The following CACNA1I variants were observed in gnomAD, a reference collection of about 807,000 sequenced individuals.
The protein encoded by CACNA1I is calcium voltage-gated channel subunit alpha1 I.
CACNA1I carries 74 observed loss-of-function variants against 201.6 expected under a neutral mutation model. The ratio of observed to expected loss-of-function variants is 0.37; its 90% CI spans 0.30 to 0.45. The LOEUF is 0.45. Among genes scored for constraint, CACNA1I ranks in the 20% least tolerant of loss-of-function variants. The pLI, the probability that CACNA1I is intolerant of heterozygous loss-of-function variation, is 1.00. For missense variants in CACNA1I, 2,346 were observed against 3,138.1 expected, an observed-to-expected ratio of 0.75 and a Z score of 6.03; for synonymous variants, 1,431 against 1,345.2, an observed-to-expected ratio of 1.06 and a Z score of -1.40.
rs1601795620 is a variant in CACNA1I at position 39,585,870 on chromosome 22, T to A, written c.237-12281T>A. Among the ~76,000 whole-genome samples, 4 of 151,222 alleles carry A rather than the reference T, an allele frequency of 2.6e-5. No homozygotes were observed. In the Middle Eastern group the frequency reaches 0.014, roughly 514 times the overall value. On this transcript the variant is annotated intron_variant, in intron 1 of 36. Coordinates refer to ENST00000402142, the MANE Select transcript of CACNA1I (RefSeq NM_021096.4). ...ACCACTGCACCTGGTTTACTAATCC[T>A]ACACTTCAATATTTAAAAAAATGCA...
Position 39,668,321 on chromosome 22 carries a change from C to G in CACNA1I, c.4134C>G (p.Ser1378=). The part of the protein sequence containing the change: ...QALMSLFVLA[S]KDGWVNIMYN... ...TGATGTCCCTCTTTGTCCTGGCATCCAAGGATGGTTGGGTGAACATCATGT... is the reference window on the plus strand; with the variant it reads ...TGATGTCCCTCTTTGTCCTGGCATCGAAGGATGGTTGGGTGAACATCATGT... Residue 1378 remains serine, a synonymous_variant, in exon 24 of 37, where the codon TCC becomes TCG. Transcript: ENST00000402142. The G allele has an allele frequency of 1.2e-6, 2 of 1,613,520 alleles. No individual in the cohort carries two copies.
chr22:39,596,002 G>A (rs1932879416), intron 1 of CACNA1I, among the ~76,000 whole-genome samples: 1 of 149,724 alleles, frequency 6.7e-6, no homozygotes, highest in East Asian at 2.0e-4. Context: ...TGAACATGAT[G>A]CTAGAAGCTC....
rs1374693648 is a variant in CACNA1I at position 39,685,577 on chromosome 22, G to C, written c.6028-184G>C. Among the ~76,000 whole-genome samples the C allele has an allele frequency of 6.6e-6, 1 of 152,102 alleles. No homozygotes were observed. Among genetic ancestry groups the C allele is most frequent in the African/African-American group, 2.4e-5 (1 of 41,422 alleles). On this transcript the variant is annotated intron_variant, in intron 36 of 36. Transcript: ENST00000402142. This position sits in a 1 kb window ranked among gnomAD's most constrained non-coding sequence, Gnocchi z 5.0. ...GCTAGCTCCTCTCGGGGGACCTCTC[G>C]GGGCAGGTGAAGGCCCTGCGGTGAC...
intron 1 of CACNA1I, among the ~76,000 whole-genome samples, chr22:39,572,385 A>T (rs1218578536): frequency 6.6e-6 from 1 of 152,100 alleles, no homozygotes; most frequent in East Asian, 1.9e-4. Context: ...TGCAGGCCTG[A>T]GTCCTGCCCT....
rs1392403225 is a variant in CACNA1I at position 39,662,831 on chromosome 22, A to G, written c.3428A>G (p.Glu1143Gly). ...MIDVYKPDWCEVREDWSVYLF... is the reference protein window; with the variant it reads ...MIDVYKPDWCGVREDWSVYLF... ...GACGTCTATAAGCCCGACTGGTGCG[A>G]GGTCCGCGAAGACTGGTCTGTCTAC... Residue 1143 changes from glutamate to glycine, a missense_variant, in exon 18 of 37, where the codon GAG becomes GGG. Around this residue, in one of 13 missense-constraint regions of CACNA1I, gnomAD observed 158 missense variants for 231.6 expected, o/e 0.68. Transcript: ENST00000402142. 2 of 1,602,212 alleles carry G rather than the reference A, an allele frequency of 1.2e-6. No homozygotes were observed. Among genetic ancestry groups the G allele is most frequent in the African/African-American group, 2.7e-5 (2 of 74,668 alleles).
intron 4 of CACNA1I, among the ~76,000 whole-genome samples, chr22:39,625,456 C>T (rs980043915): frequency 6.6e-6 from 1 of 152,190 alleles, no homozygotes; most frequent in Non-Finnish European, 1.5e-5. Context: ...TGCTGTGTGA[C>T]CTGAGAAGTC....
At chr22:39,668,873 G>A (rs1038751180) in intron 24 of CACNA1I, among the ~76,000 whole-genome samples, 6 of 152,152 alleles carry the variant, frequency 3.9e-5, no homozygotes, top group Non-Finnish European at 7.4e-5. Context: ...TTATTCTGAG[G>A]GCAGAGAGAG....
At chr22:39,600,474 C>T in intron 2 of CACNA1I, 46 bp from the exon 3 acceptor site, 1 of 1,567,550 alleles carries the variant, frequency 6.4e-7, no homozygotes, top group Non-Finnish European at 8.8e-7. Flanking sequence ...GGGCCCTGCT[C>T]TGCAACCTCA....
At chr22:39,613,724 C>A (rs5750858) in intron 3 of CACNA1I, among the ~76,000 whole-genome samples, 1 of 152,212 alleles carries the variant, frequency 6.6e-6, no homozygotes, top group Non-Finnish European at 1.5e-5. Flanking sequence ...GTAACGCTCC[C>A]GAGCCGGAGG....
At chr22:39,638,418 T>C (rs1243069661) in intron 5 of CACNA1I, among the ~76,000 whole-genome samples, 1 of 152,242 alleles carries the variant, frequency 6.6e-6, no homozygotes, top group African/African-American at 2.4e-5. Flanking sequence ...TGTGCCAAAT[T>C]GCCCTCTAAG....
chr22:39,571,683 C>G lies in CACNA1I; in HGVS notation c.236+695C>G, dbSNP rs527259303. On this transcript the variant is annotated intron_variant, in intron 1 of 36. Transcript: ENST00000402142. ...CTGTCTGAAAAGCTTTTCCCTTCCC[C>G]CTGGACCTGGCCAAATCCTTTGCTA... is the stretch of plus-strand genomic sequence containing the variant. 5.9e-5 allele frequency among the ~76,000 whole-genome samples: 9 copies of G among 152,368 alleles called. No individual in the cohort carries two copies. The South Asian group carries it at 1.9e-3, about 32-fold the overall frequency.
intron 25 of CACNA1I, 133 bp downstream of exon 25, chr22:39,670,363 C>T: frequency 1.1e-6 from 1 of 886,908 alleles, no homozygotes; most frequent in East Asian, 2.7e-5. Context: ...GGCTCAGCCA[C>T]TTCTCCCAGC....
rs199563728 is a variant in CACNA1I at position 39,599,170 on chromosome 22, A to G, written c.348+908A>G. Among the ~76,000 whole-genome samples the G allele has an allele frequency of 9.1e-4, 133 of 145,734 alleles. 4 individuals are homozygous for G. The East Asian group carries it at 0.014, about 16-fold the overall frequency. The stretch of plus-strand genomic sequence containing the variant: ...TCACCATGTTAGCCAGGATGGTCTC[A>G]ATCTCCTGACCTCGTGATCTGCCTG... On this transcript the variant is annotated intron_variant, in intron 2 of 36. Coordinates refer to ENST00000402142, the MANE Select transcript of CACNA1I (RefSeq NM_021096.4).
chr22:39,600,577 G>T lies in CACNA1I; in HGVS notation c.406G>T (p.Ala136Ser). Reference sequence around the variant, plus strand: ...CATGGAGATGGTGCTCAAGATGGTGGCCCTGGGGATTTTTGGCAAGAAGTG... The same window carrying T: ...CATGGAGATGGTGCTCAAGATGGTGTCCCTGGGGATTTTTGGCAAGAAGTG... ...FAMEMVLKMV[A>S]LGIFGKKCYL... The change falls in exon 3 of 37, where the codon GCC becomes TCC. Residue 136 changes from alanine (A) to serine (S), a missense_variant. Coordinates refer to ENST00000402142, the MANE Select transcript of CACNA1I (RefSeq NM_021096.4). 6.2e-7 allele frequency: 1 copy of T among 1,612,050 alleles called. No homozygotes were observed. The highest frequency in any genetic ancestry group is 1.3e-5 in the African/African-American group (1 of 74,976).
rs754425552 is a variant in CACNA1I, at chr22:39,661,304, C to T, written c.2895C>T (p.Arg965=). The T allele has an allele frequency of 1.1e-5, 17 of 1,566,334 alleles. No homozygotes were observed. The highest frequency in any genetic ancestry group is 1.5e-5 in the Non-Finnish European group (17 of 1,155,560). ...MSLGRMSYDQ[R]SLSSSRSSYY... ...TAGGGAGGATGAGCTATGACCAGCG[C>T]TCCCTGGTGAGTCCTTGTGGGGAGC... The change falls in exon 16 of 37, where the codon CGC becomes CGT. Residue 965 remains arginine, a synonymous_variant. Coordinates refer to ENST00000402142, the MANE Select transcript of CACNA1I (RefSeq NM_021096.4).
chr22:39,653,517 G>A (rs1433175185), intron 10 of CACNA1I, among the ~76,000 whole-genome samples: 5 of 152,212 alleles, frequency 3.3e-5, no homozygotes, highest in Admixed American at 6.5e-5. Context: ...GGGCTTCCAA[G>A]GGGGGTGCAG....
At chr22:39,661,417 C>A in intron 16 of CACNA1I, 107 bp downstream of exon 16, 1 of 879,038 alleles carries the variant, frequency 1.1e-6, no homozygotes, top group Non-Finnish European at 1.7e-6. Flanking sequence ...TGGTGCCCAG[C>A]CAAAGTCAGG....
chr22:39,623,672 CCTGTGAGGGGTGTGTGG>C (rs1350582426), intron 4 of CACNA1I, among the ~76,000 whole-genome samples: 3 of 124,030 alleles, frequency 2.4e-5, no homozygotes, highest in African/African-American at 9.5e-5. Flanking sequence ...AGGGGGTATG[CCTGTGAGGGGTGTGTGG>C]CTGTGAGGGT....
Position 39,578,864 on chromosome 22 carries a change from G to A in CACNA1I, c.236+7876G>A, listed in dbSNP as rs545605199. Reference sequence around the variant, plus strand: ...TTTGAAGCCCCAGCCAGCTGCTGAGGCTTCCCAGCCTTTCCCCTCCTCTGC... The same window carrying A: ...TTTGAAGCCCCAGCCAGCTGCTGAGACTTCCCAGCCTTTCCCCTCCTCTGC... On this transcript the variant is annotated intron_variant, in intron 1 of 36. Transcript: ENST00000402142. Among the ~76,000 whole-genome samples the A allele has an allele frequency of 4.6e-5, 7 of 152,262 alleles. No individual in the cohort carries two copies. In the South Asian group the frequency reaches 1.4e-3, roughly 32 times the overall value.
Sources: gnomAD v4.1 joint callset for allele counts (sites outside exome capture counted in the v4.1 genomes callset) on GRCh38, gnomAD v4.1.1 for gene constraint, gnomAD v4.1.1 regional missense constraint, Gnocchi (gnomAD v3.1) non-coding constraint, MANE v1.5 for transcripts, NCBI Gene and HGNC (gene_info 2026-07-23, HGNC 2026-07-21) for gene names.